Variants in WIZ observed in about 807,000 individuals in gnomAD.
The protein encoded by WIZ is protein Wiz.
In WIZ, 25 loss-of-function variants were observed where a neutral mutation model predicts 140.2. The observed-to-expected ratio is 0.18, with a 90% confidence interval of 0.13 to 0.25. The LOEUF is 0.25. Among genes scored for constraint, WIZ ranks in the 10% least tolerant of loss-of-function variants. WIZ has a pLI of 1.00. For missense variants in WIZ, 2,231 were observed against 2,632.6 expected (o/e 0.85, Z 3.34); for synonymous variants, 1,125 against 1,154.3 (o/e 0.97, Z 0.51).
chr19:15,424,489 GATGGGTGA>G lies in WIZ; in HGVS notation c.5314+116_5315-112del. ...ACCTGGATGGGTGGGATGGGGGATG[GATGGGTGA>G]ATGGGTAAGCAACTGGAGAAAGGAC... On this transcript the variant is annotated intron_variant, in intron 11 of 12. Transcript: ENST00000673675. This position sits in a 1 kb window ranked among gnomAD's most constrained non-coding sequence, Gnocchi z 9.7. 6.5e-7 allele frequency: 1 copy of G among 1,530,564 alleles called. No homozygotes were observed. Among genetic ancestry groups the G allele is most frequent in the South Asian group, 1.2e-5 (1 of 82,072 alleles). 94.8% of individuals were successfully genotyped at this position (1,530,564 alleles called of 1,614,324 possible).
chr19:15,442,834 G>T lies in WIZ; in HGVS notation c.206-86C>A. On this transcript the variant is annotated intron_variant, in intron 2 of 12. Transcript: ENST00000673675. The surrounding 1 kb of genome is among the most constrained non-coding windows in gnomAD (Gnocchi z 5.5). ...CCCAGCTCCAGGAGCCCTGCCAGGTGCCTCAGAAAGGCCCTGCTGGCTCCC... is the reference window on the plus strand; with the variant it reads ...CCCAGCTCCAGGAGCCCTGCCAGGTTCCTCAGAAAGGCCCTGCTGGCTCCC... 4 of 805,838 alleles carry T rather than the reference G, an allele frequency of 5.0e-6. No homozygotes were observed. Among genetic ancestry groups the T allele is most frequent in the African/African-American group, 1.8e-5 (1 of 56,400 alleles). 49.9% of individuals were successfully genotyped at this position (805,838 alleles called of 1,614,324 possible).
chr19:15,437,766 G>T (rs1252332403), intron 4 of WIZ, among the ~76,000 whole-genome samples: 1 of 152,196 alleles, frequency 6.6e-6, no homozygotes, highest in Non-Finnish European at 1.5e-5. Context: ...TCATGATCAC[G>T]CAAGTGCTGT....
chr19:15,423,346 A>AGCCCAGGAGGCGGGGGAAGAGGG (rs1340894276), intron 12 of WIZ, 111 bp from the exon 13 acceptor site: 7 of 1,361,038 alleles, frequency 5.1e-6, no homozygotes, highest in Non-Finnish European at 3.0e-6. Flanking sequence ...GGACAGAGCC[A>AGCCCAGGAGGCGGGGGAAGAGGG]GCCCAGGAGG....
chr19:15,420,613 A>G lies in WIZ; in HGVS notation c.*2463T>C, dbSNP rs939900586. 6.6e-6 allele frequency: 1 copy of G among 152,208 alleles called. No homozygotes were observed. Among genetic ancestry groups the G allele is most frequent in the African/African-American group, 2.4e-5 (1 of 41,440 alleles). 9.4% of individuals were successfully genotyped at this position (152,208 alleles called of 1,614,324 possible). ...TCAAAAGCTGAGACTTTGCTGCCTG[A>G]GGTGTATTGAAGTGGCTTGAGCAGA... On this transcript the variant is annotated 3_prime_UTR_variant, in exon 13 of 13. Transcript: ENST00000673675.
rs542217677 is a variant in WIZ at position 15,436,092 on chromosome 19, C to T, written c.2740+714G>A. 2.0e-4 allele frequency among the ~76,000 whole-genome samples: 31 copies of T among 152,316 alleles called. No homozygotes were observed. In the East Asian group the frequency reaches 6.0e-3, roughly 29 times the overall value. Reference sequence around the variant, plus strand: ...GAGCCAAGATTGTGCCACTGAGCTCCAGCCGGGGCAAAAGAGCGAGACTCC... The same window carrying T: ...GAGCCAAGATTGTGCCACTGAGCTCTAGCCGGGGCAAAAGAGCGAGACTCC... On this transcript the variant is annotated intron_variant, in intron 5 of 12. Transcript: ENST00000673675.
At position 15,421,282 on chromosome 19, in the gene WIZ, C is replaced by G. The variant is rs997923750; in HGVS notation, c.*1794G>C. On this transcript the variant is annotated 3_prime_UTR_variant, in exon 13 of 13. Transcript: ENST00000673675. ...GTGGTTGCGGCCTTCTGCCACCAGG[C>G]GAGATGTGCGTCCTGACCCCACAGG... is the stretch of plus-strand genomic sequence containing the variant. The G allele has an allele frequency of 1.3e-5, 2 of 152,294 alleles. No individual in the cohort carries two copies. The highest frequency in any genetic ancestry group is 1.3e-4 in the Admixed American group (2 of 15,282). 9.4% of individuals were successfully genotyped at this position (152,294 alleles called of 1,614,324 possible). A position where few individuals can be genotyped will look rare whatever the true frequency, so the allele number is the denominator to read the frequency against.
At chr19:15,431,672 G>T (rs75784088) in intron 5 of WIZ, among the ~76,000 whole-genome samples, 4 of 152,364 alleles carry the variant, frequency 2.6e-5, no homozygotes, top group Non-Finnish European at 4.4e-5. Context: ...AGACAAGACA[G>T]CTGGGGCTGC....
chr19:15,439,675 C>A lies in WIZ; in HGVS notation c.1319G>T (p.Ser440Ile), dbSNP rs868278454. The change falls in exon 4 of 13, where the codon AGC becomes ATC. Residue 440 changes from serine to isoleucine, a missense_variant. Ser to Ile is a moderately radical substitution (Grantham distance 142). Around this residue, in one of 15 missense-constraint regions of WIZ, gnomAD observed 475 missense variants for 520.2 expected, o/e 0.91. Coordinates refer to ENST00000673675, the MANE Select transcript of WIZ (RefSeq NM_001371589.1). The surrounding 1 kb of genome is among the most constrained non-coding windows in gnomAD (Gnocchi z 7.0). ...CTCAGGGCTGGGGCTGCCAGCCCCG[C>A]TGCTGCCTCCAAAAGGCTCTTTGGT... ...QTTKEPFGGS[S>I]GAGSPSPEAS... The A allele has an allele frequency of 2.7e-6, 4 of 1,501,924 alleles. No homozygotes were observed. The highest frequency in any genetic ancestry group is 2.8e-5 in the African/African-American group (2 of 71,472). 93.0% of individuals were successfully genotyped at this position (1,501,924 alleles called of 1,614,324 possible).
chr19:15,438,030 A>C (rs1275863369), intron 4 of WIZ, among the ~76,000 whole-genome samples: 1 of 151,810 alleles, frequency 6.6e-6, no homozygotes, highest in Non-Finnish European at 1.5e-5. Flanking sequence ...CACACACTCA[A>C]ACACCATACT....
rs772936777 is a variant in WIZ, at chr19:15,425,796, G to A, written c.4367-28C>T. On this transcript the variant is annotated intron_variant, in intron 9 of 12. Transcript: ENST00000673675. Reference sequence around the variant, plus strand: ...GCAGGGGATCCAGGGTAGGGGGAAGGAGGAGGAGGAGGAGGAGGAGGGAGG... The same window carrying A: ...GCAGGGGATCCAGGGTAGGGGGAAGAAGGAGGAGGAGGAGGAGGAGGGAGG... 1.9e-5 allele frequency: 21 copies of A among 1,087,616 alleles called. No homozygotes were observed. The African/African-American group carries it at 2.0e-4, about 10-fold the overall frequency. 67.4% of individuals were successfully genotyped at this position (1,087,616 alleles called of 1,614,324 possible). A position where few individuals can be genotyped will look rare whatever the true frequency, so the allele number is the denominator to read the frequency against.
At chr19:15,443,827 G>C (rs1345838909) in intron 2 of WIZ, among the ~76,000 whole-genome samples, 1 of 152,160 alleles carries the variant, frequency 6.6e-6, no homozygotes. Flanking sequence ...TCTAACCTGA[G>C]CTGCAGAGAG....
In WIZ at chr19:15,440,630, G is replaced by A. The variant is rs567582050; in HGVS notation, c.364C>T (p.Arg122Trp). ...LGHFPGTPDG[R>W]GPWEHPLVQE... ...ACAAGGGGGTGCTCCCAGGGCCCCC[G>A]GCCATCAGGGGTACCTGGGAAATGG... The change falls in exon 4 of 13, where the codon CGG becomes TGG. Residue 122 changes from arginine to tryptophan, a missense_variant. By Grantham distance (101) the Arg-to-Trp change is moderately radical. Coordinates refer to ENST00000673675, the MANE Select transcript of WIZ (RefSeq NM_001371589.1). The surrounding 1 kb of genome is among the most constrained non-coding windows in gnomAD (Gnocchi z 6.2). 15 of 1,531,812 alleles carry A rather than the reference G, an allele frequency of 9.8e-6. No individual in the cohort carries two copies. Among genetic ancestry groups the A allele is most frequent in the South Asian group, 6.0e-5 (5 of 84,008 alleles). 94.9% of individuals were successfully genotyped at this position (1,531,812 alleles called of 1,614,324 possible). A position where few individuals can be genotyped will look rare whatever the true frequency, so the allele number is the denominator to read the frequency against.
rs1257358512 is a variant in WIZ, at chr19:15,426,968, A to T, written c.4366+14T>A. 1 of 1,594,890 alleles carries T rather than the reference A, an allele frequency of 6.3e-7. No homozygotes were observed. Among genetic ancestry groups the T allele is most frequent in the African/African-American group, 1.3e-5 (1 of 74,648 alleles). On this transcript the variant is annotated intron_variant, in intron 9 of 12. Coordinates refer to ENST00000673675, the MANE Select transcript of WIZ (RefSeq NM_001371589.1). ...CCAACTGTTCTCCCTGCCCTACTGC[A>T]GGGTCACACTTACACAGGTTCAGGG...
In WIZ at chr19:15,439,280, C is replaced by T. The variant is rs756339929; in HGVS notation, c.1714G>A (p.Gly572Ser). 6.5e-7 allele frequency: 1 copy of T among 1,535,132 alleles called. No individual in the cohort carries two copies. Among genetic ancestry groups the T allele is most frequent in the South Asian group, 1.2e-5 (1 of 83,868 alleles). ...PLSKPLLHGT[G>S]QRPLGRLAFP... is the part of the protein sequence containing the mutation. ...GCCAGCCTTCCGAGAGGCCTCTGGC[C>T]CGTGCCATGCAGGAGTGGCTTTGAC... Residue 572 changes from glycine (G) to serine (S), a missense_variant, in exon 4 of 13, where the codon GGC (glycine) becomes AGC (serine). Around this residue, in one of 15 missense-constraint regions of WIZ, gnomAD observed 475 missense variants for 520.2 expected, o/e 0.91. Coordinates refer to ENST00000673675, the MANE Select transcript of WIZ (RefSeq NM_001371589.1). The surrounding 1 kb of genome is among the most constrained non-coding windows in gnomAD (Gnocchi z 7.0).
chr19:15,424,487 T>C lies in WIZ; in HGVS notation c.5315-109A>G. 2.0e-6 allele frequency: 3 copies of C among 1,528,446 alleles called. No homozygotes were observed. Among genetic ancestry groups the C allele is most frequent in the Non-Finnish European group, 2.6e-6 (3 of 1,133,564 alleles). The allele number at this position is 1,528,446 out of a possible 1,614,324, so 94.7% of individuals were successfully genotyped here. ...CTACCTGGATGGGTGGGATGGGGGA[T>C]GGATGGGTGAATGGGTAAGCAACTG... On this transcript the variant is annotated intron_variant, in intron 11 of 12. Transcript: ENST00000673675. This position sits in a 1 kb window ranked among gnomAD's most constrained non-coding sequence, Gnocchi z 9.7.
chr19:15,421,595 A>T lies in WIZ; in HGVS notation c.*1481T>A, dbSNP rs1020235537. 1 of 152,174 alleles carries T rather than the reference A, an allele frequency of 6.6e-6. No homozygotes were observed. The highest frequency in any genetic ancestry group is 6.5e-5 in the Admixed American group (1 of 15,290). 9.4% of individuals were successfully genotyped at this position (152,174 alleles called of 1,614,324 possible). A position where few individuals can be genotyped will look rare whatever the true frequency, so the allele number is the denominator to read the frequency against. Reference sequence around the variant, plus strand: ...TTTGCAGAGCGAGAAAATAAATAACATCGCAAAGGAGCCAGTGGCTCCTCT... The same window carrying T: ...TTTGCAGAGCGAGAAAATAAATAACTTCGCAAAGGAGCCAGTGGCTCCTCT... On this transcript the variant is annotated 3_prime_UTR_variant, in exon 13 of 13. Transcript: ENST00000673675.
At chr19:15,448,778 C>T (rs1970007652) in intron 1 of WIZ, among the ~76,000 whole-genome samples, 1 of 152,096 alleles carries the variant, frequency 6.6e-6, no homozygotes, top group African/African-American at 2.4e-5. Context: ...GTTTCCTCGG[C>T]AAGAATCCCA....
chr19:15,427,229 G>A lies in WIZ; in HGVS notation c.4119C>T (p.Pro1373=), dbSNP rs747909343. The A allele has an allele frequency of 7.4e-6, 12 of 1,614,126 alleles. No homozygotes were observed. Among genetic ancestry groups the A allele is most frequent in the Middle Eastern group, 3.3e-4 (2 of 6,024 alleles). ...ARSPSDLHIS[P]LAKKLPPPPG... ...GTGGTGGTGGCAACTTCTTGGCCAA[G>A]GGTGAGATGTGAAGGTCCGAGGGGC... Residue 1373 remains proline, a synonymous_variant, in exon 9 of 13, where the codon CCC becomes CCT. Transcript: ENST00000673675. The surrounding 1 kb of genome is among the most constrained non-coding windows in gnomAD (Gnocchi z 6.4).
At chr19:15,432,386 G>T (rs1012340720) in intron 5 of WIZ, 1 of 972,340 alleles carries the variant, frequency 1.0e-6, no homozygotes, top group African/African-American at 1.8e-5. Flanking sequence ...CCGGCAGGCG[G>T]GATTCCGACC....
Sources: gnomAD v4.1 joint callset for allele counts (sites outside exome capture counted in the v4.1 genomes callset) on GRCh38, gnomAD v4.1.1 for gene constraint, gnomAD v4.1.1 regional missense constraint, Gnocchi (gnomAD v3.1) non-coding constraint, MANE v1.5 for transcripts, NCBI Gene and HGNC (gene_info 2026-07-23, HGNC 2026-07-21) for gene names.